SYN3: variants seen among roughly 807,000 people sequenced by gnomAD.
The protein encoded by SYN3 is synapsin-3.
In SYN3, 35 loss-of-function variants were observed where a neutral mutation model predicts 65.8. The observed-to-expected ratio is 0.53, with a 90% CI of 0.41 to 0.70. SYN3 has a LOEUF of 0.70. Ranked by LOEUF, SYN3 falls within the 30% of genes least tolerant of loss-of-function variation. The probability of loss-of-function intolerance (pLI) is 0.00; values close to 1 mark genes in which losing one functional copy is unlikely to be tolerated. For missense variants in SYN3, 680 were observed against 749.0 expected (o/e 0.91, Z 1.08); for synonymous variants, 270 against 292.9 (o/e 0.92, Z 0.80).
chr22:32,675,497 C>T (rs374458230), intron 6 of SYN3, among the ~76,000 whole-genome samples: 1 of 152,116 alleles, frequency 6.6e-6, no homozygotes, highest in Non-Finnish European at 1.5e-5. Context: ...GGGAGAACAG[C>T]TGGCATCTGG....
intron 4 of SYN3, among the ~76,000 whole-genome samples, chr22:32,880,920 G>A (rs137501): frequency 0.11 from 16,421 of 152,224 alleles, 1,290 homozygotes; most frequent in African/African-American, 0.22. Context: ...AGATGTGCTT[G>A]GAAAGGCTGA....
chr22:32,910,308 G>A (rs1207984244), intron 4 of SYN3, among the ~76,000 whole-genome samples: 1 of 152,156 alleles, frequency 6.6e-6, no homozygotes, highest in African/African-American at 2.4e-5. Context: ...TAAAGAGATG[G>A]GGGTGGGGAG....
At chr22:32,917,229 C>T (rs1422165482) in intron 4 of SYN3, among the ~76,000 whole-genome samples, 1 of 152,084 alleles carries the variant, frequency 6.6e-6, no homozygotes, top group Non-Finnish European at 1.5e-5. Context: ...AACGGGAAGT[C>T]AAGATTTGAA....
At chr22:33,022,227 T>C (rs903787184) in intron 1 of SYN3, among the ~76,000 whole-genome samples, 1 of 152,100 alleles carries the variant, frequency 6.6e-6, no homozygotes, top group Non-Finnish European at 1.5e-5. Flanking sequence ...AATGCTAAAA[T>C]CCCCTCTGCA....
At chr22:32,928,839 A>G (rs550845422) in intron 4 of SYN3, among the ~76,000 whole-genome samples, 98 of 152,154 alleles carry the variant, frequency 6.4e-4, no homozygotes, top group African/African-American at 2.3e-3. Flanking sequence ...TGCACCTCCG[A>G]TCTTTTTCTC....
intron 6 of SYN3, among the ~76,000 whole-genome samples, chr22:32,792,079 T>C (rs1053609236): frequency 2.0e-5 from 3 of 152,218 alleles, no homozygotes; most frequent in Non-Finnish European, 2.9e-5. Flanking sequence ...GAGAATTTAC[T>C]ATGTGCCAGG....
intron 6 of SYN3, among the ~76,000 whole-genome samples, chr22:32,611,376 C>T (rs553966514): frequency 6.0e-5 from 9 of 150,046 alleles, no homozygotes; most frequent in East Asian, 3.9e-4. Context: ...TCACTGCAAC[C>T]TCTGCCTCCC....
chr22:32,839,961 G>C (rs2047845824), intron 6 of SYN3, among the ~76,000 whole-genome samples: 1 of 151,988 alleles, frequency 6.6e-6, no homozygotes, highest in Admixed American at 6.5e-5. Flanking sequence ...TGCTCACAAG[G>C]TGAGGAGAGC....
At chr22:32,706,322 C>T (rs1216015295) in intron 6 of SYN3, among the ~76,000 whole-genome samples, 5 of 152,040 alleles carry the variant, frequency 3.3e-5, no homozygotes, top group Middle Eastern at 3.2e-3. Context: ...CAGAAAAAAG[C>T]GACACCATAA....
intron 1 of SYN3, among the ~76,000 whole-genome samples, chr22:33,013,978 C>A (rs2053410232): frequency 6.6e-6 from 1 of 151,212 alleles, no homozygotes; most frequent in Non-Finnish European, 1.5e-5. Flanking sequence ...GATCATAGCT[C>A]ACTGCAGCCT....
At chr22:32,821,553 C>T (rs1337394378) in intron 6 of SYN3, among the ~76,000 whole-genome samples, 1 of 152,152 alleles carries the variant, frequency 6.6e-6, no homozygotes, top group Non-Finnish European at 1.5e-5. Context: ...GACCTGTCTG[C>T]CCTGGTCTTC....
At chr22:32,820,323 T>C (rs1160500465) in intron 6 of SYN3, among the ~76,000 whole-genome samples, 2 of 150,418 alleles carry the variant, frequency 1.3e-5, no homozygotes, top group African/African-American at 4.9e-5. Context: ...CGTGTGTGTG[T>C]CATCCTCTGC....
intron 1 of SYN3, among the ~76,000 whole-genome samples, chr22:33,054,285 C>T (rs950188857): frequency 5.9e-5 from 9 of 152,138 alleles, no homozygotes; most frequent in Non-Finnish European, 1.2e-4. Flanking sequence ...GGATGTTTTA[C>T]GGGCATCTCC....
chr22:32,797,864 G>A (rs138851807), intron 6 of SYN3, among the ~76,000 whole-genome samples: 28 of 152,316 alleles, frequency 1.8e-4, no homozygotes, highest in Admixed American at 5.9e-4. Context: ...TTTTTGAGGC[G>A]AGAGGGATCC....
intron 6 of SYN3, among the ~76,000 whole-genome samples, chr22:32,712,709 T>A (rs2060982508): frequency 6.6e-6 from 1 of 152,118 alleles, no homozygotes; most frequent in South Asian, 2.1e-4. Flanking sequence ...CTCAGTGCCC[T>A]CTCCTCCCCT....
At chr22:33,025,635 A>G (rs1232098864) in intron 1 of SYN3, among the ~76,000 whole-genome samples, 3 of 16,908 alleles carry the variant, frequency 1.8e-4, no homozygotes, top group Admixed American at 1.3e-3. Flanking sequence ...CTCCGTCTGG[A>G]AAAAAAAAAA....
chr22:32,961,248 C>T (rs934145972), intron 3 of SYN3, among the ~76,000 whole-genome samples: 3 of 152,112 alleles, frequency 2.0e-5, no homozygotes, highest in Admixed American at 1.3e-4. Context: ...GGGCAAAAAT[C>T]ACCCCTGGTT....
At position 32,691,179 on chromosome 22, in the gene SYN3, C is replaced by T. The variant is rs111966995; in HGVS notation, c.712-94443G>A. ...GAAACTGACCAGTGGCCTTGCTGGGCGCCCCGGTTCCTTCACCCATACCCT... is the reference window on the plus strand; with the variant it reads ...GAAACTGACCAGTGGCCTTGCTGGGTGCCCCGGTTCCTTCACCCATACCCT... On this transcript the variant is annotated intron_variant, in intron 6 of 13. Coordinates refer to ENST00000358763, the MANE Select transcript of SYN3 (RefSeq NM_003490.4). Among the ~76,000 whole-genome samples the T allele has an allele frequency of 3.7e-3, 557 of 152,262 alleles. 3 individuals carry two copies. Among genetic ancestry groups the T allele is most frequent in the African/African-American group, 0.012 (515 of 41,558 alleles).
At chr22:32,912,822 G>T (rs1453393315) in intron 4 of SYN3, among the ~76,000 whole-genome samples, 8 of 152,192 alleles carry the variant, frequency 5.3e-5, no homozygotes, top group Non-Finnish European at 1.0e-4. Flanking sequence ...GAAAAGATCA[G>T]TGGTTGCCAA....
Sources: allele counts gnomAD v4.1 joint callset (sites outside exome capture counted in the v4.1 genomes callset), GRCh38; gene constraint gnomAD v4.1.1; transcripts MANE v1.5; gene names NCBI Gene and HGNC (gene_info 2026-07-23, HGNC 2026-07-21).